Variants in TLE3 observed in about 807,000 individuals in gnomAD.
TLE3 encodes the protein TLE family member 3, transcriptional corepressor.
Under a neutral mutation model 93.0 loss-of-function variants are expected in TLE3, and 14 were observed. That is an observed-to-expected ratio of 0.15 (90% CI 0.10 to 0.24). The LOEUF (loss-of-function observed/expected upper bound fraction) is 0.24. Among genes scored for constraint, TLE3 ranks in the 10% least tolerant of loss-of-function variants. The pLI is 1.00. For synonymous variants in TLE3, 451 were observed against 425.0 expected, an observed-to-expected ratio of 1.06 and a Z score of -0.75; for missense variants, 693 against 1,046.6, an observed-to-expected ratio of 0.66 and a Z score of 4.66.
intron 9 of TLE3, among the ~76,000 whole-genome samples, chr15:70,060,152 C>T (rs561510869): frequency 7.2e-5 from 11 of 152,244 alleles, no homozygotes; most frequent in Admixed American, 6.5e-4. Flanking sequence ...GTGCATGCCT[C>T]AGGCCAACTG....
At chr15:70,079,300 C>T (rs555452143) in intron 4 of TLE3, 17 of 471,944 alleles carry the variant, frequency 3.6e-5, no homozygotes, top group South Asian at 1.2e-4. Flanking sequence ...CCATGTTCGA[C>T]GAAGAGAGGC....
In TLE3 at chr15:70,096,193, G is replaced by A. The variant is rs1596047650; in HGVS notation, c.93C>T (p.Asp31=). Residue 31 remains aspartate (D), a synonymous_variant, in exon 2 of 20, where the codon GAC becomes GAT. Transcript: ENST00000451782. The stretch of plus-strand genomic sequence containing the variant: ...ACTGAGCTTGCAGGAACTGGAATTC[G>A]TCTTTGATCCTGTCACAAGACTCAG... ...TVAESCDRIK[D]EFQFLQAQYH... The A allele has an allele frequency of 1.9e-6, 3 of 1,560,990 alleles. No homozygotes were observed. Among genetic ancestry groups the A allele is most frequent in the Admixed American group, 1.9e-5 (1 of 52,422 alleles).
chr15:70,073,034 C>A lies in TLE3; in HGVS notation c.372+1499G>T, dbSNP rs145013794. Among the ~76,000 whole-genome samples, 309 of 152,346 alleles carry A rather than the reference C, an allele frequency of 2.0e-3. 1 individual carries two copies. Among genetic ancestry groups the A allele is most frequent in the African/African-American group, 7.1e-3 (295 of 41,590 alleles). On this transcript the variant is annotated intron_variant, in intron 6 of 19. Coordinates refer to ENST00000451782, the MANE Select transcript of TLE3 (RefSeq NM_001105192.3). ...ACCAGGCCAATGCTTGCATCCCCCA[C>A]CTGCCCAAGCAGCACTGAGAAGTGT...
chr15:70,079,473 A>G (rs1481584086), intron 4 of TLE3: 6 of 477,956 alleles, frequency 1.3e-5, no homozygotes. Context: ...AAGGGACATG[A>G]AGCAAGCACA....
chr15:70,054,911 CAG>C, intron 15 of TLE3, 136 bp downstream of exon 15: 1 of 1,332,040 alleles, frequency 7.5e-7, no homozygotes, highest in Admixed American at 2.7e-5. Context: ...AACTGAGGCT[CAG>C]AGAGGTTAGT....
chr15:70,096,500 G>T, intron 1 of TLE3: 1 of 1,197,438 alleles, frequency 8.4e-7, no homozygotes, highest in Non-Finnish European at 1.2e-6. Flanking sequence ...AGGCGGGGGC[G>T]GGAGACAAGC....
In TLE3 at chr15:70,057,673, C is replaced by T. The variant is rs753810698; in HGVS notation, c.1052-15G>A. ...CAGAGCCGAGGCTGCGAGGGGTGGGCGTCAGGGAGGTGGGCCTTAGGTGGA... is the reference window on the plus strand; with the variant it reads ...CAGAGCCGAGGCTGCGAGGGGTGGGTGTCAGGGAGGTGGGCCTTAGGTGGA... On this transcript the variant is annotated splice_polypyrimidine_tract_variant and intron_variant, in intron 12 of 19. Coordinates refer to ENST00000451782, the MANE Select transcript of TLE3 (RefSeq NM_001105192.3). The T allele has an allele frequency of 1.2e-5, 19 of 1,555,598 alleles. No individual in the cohort carries two copies. Among genetic ancestry groups the T allele is most frequent in the South Asian group, 9.4e-5 (8 of 85,366 alleles).
intron 15 of TLE3, 66 bp downstream of exon 15, chr15:70,054,981 CCT>C: frequency 1.3e-6 from 2 of 1,518,064 alleles, no homozygotes; most frequent in East Asian, 2.5e-5. Flanking sequence ...GGGGCTCTCC[CCT>C]GTGGCCCAGG....
At position 70,055,880 on chromosome 15, in the gene TLE3, G is replaced by A. The variant is rs113320570; in HGVS notation, c.1328+418C>T. 824 of 295,572 alleles carry A rather than the reference G, an allele frequency of 2.8e-3. 2 individuals are homozygous for A. Among genetic ancestry groups the A allele is most frequent in the African/African-American group, 0.016 (745 of 45,508 alleles). The allele number at this position is 295,572 out of a possible 1,614,324, so 18.3% of individuals were successfully genotyped here. On this transcript the variant is annotated intron_variant, in intron 14 of 19. Coordinates refer to ENST00000451782, the MANE Select transcript of TLE3 (RefSeq NM_001105192.3). ...TAGCAACCCAAGGAAGTGAAGGGCC[G>A]GGGAGAGTGTGCCCTCCAGGGGAGG...
At chr15:70,079,293 T>C (rs2057623079) in intron 4 of TLE3, 3 of 466,896 alleles carry the variant, frequency 6.4e-6, no homozygotes, top group Admixed American at 2.8e-5. Flanking sequence ...CTGAGGCCCA[T>C]GTTCGACGAA....
intron 4 of TLE3, chr15:70,079,601 A>C (rs1194850463): frequency 5.6e-6 from 2 of 358,438 alleles, no homozygotes; most frequent in African/African-American, 4.7e-5. Flanking sequence ...CCCAACCCTG[A>C]GAATGGGCTG....
intron 6 of TLE3, among the ~76,000 whole-genome samples, chr15:70,067,431 G>A (rs1306149414): frequency 2.0e-5 from 3 of 152,204 alleles, no homozygotes; most frequent in Non-Finnish European, 4.4e-5. Flanking sequence ...GGGGGCTGGA[G>A]TAGGTAGCTA....
intron 8 of TLE3, among the ~76,000 whole-genome samples, chr15:70,064,027 T>C (rs900796725): frequency 2.6e-5 from 4 of 152,182 alleles, no homozygotes; most frequent in Non-Finnish European, 5.9e-5. Context: ...CCCCTCGCAA[T>C]GGAAGATCCA....
intron 6 of TLE3, among the ~76,000 whole-genome samples, chr15:70,070,223 T>C (rs1470654168): frequency 1.3e-5 from 2 of 152,232 alleles, no homozygotes; most frequent in African/African-American, 4.8e-5. Context: ...ACAACGAACA[T>C]GTACTCCACA....
rs749114706 is a variant in TLE3 at position 70,054,690 on chromosome 15, AG to A, written c.1579-6del. On this transcript the variant is annotated splice_region_variant and splice_polypyrimidine_tract_variant and intron_variant, in intron 15 of 19. Coordinates refer to ENST00000451782, the MANE Select transcript of TLE3 (RefSeq NM_001105192.3). Reference sequence around the variant, plus strand: ...GCGGATGTAATTGTCCCTGTTCTGGAGGGAGAAGGGGCAGGGCTGAGTGCTG... The same window carrying A: ...GCGGATGTAATTGTCCCTGTTCTGGAGGAGAAGGGGCAGGGCTGAGTGCTG... 2.4e-5 allele frequency: 38 copies of A among 1,580,360 alleles called. No individual in the cohort carries two copies. In the African/African-American group the frequency reaches 4.8e-4, roughly 20 times the overall value.
chr15:70,094,493 A>T, intron 4 of TLE3, 39 bp downstream of exon 4: 3 of 1,484,408 alleles, frequency 2.0e-6, no homozygotes, highest in Non-Finnish European at 2.7e-6. Context: ...ATAAGTTTTT[A>T]AAAAATGAAA....
At chr15:70,056,069 C>G in intron 14 of TLE3, 2 of 606,476 alleles carry the variant, frequency 3.3e-6, no homozygotes, top group Middle Eastern at 4.4e-4. Context: ...AACTCCATGG[C>G]TCCTCTGTCG....
At position 70,096,879 on chromosome 15, in the gene TLE3, G is replaced by A. The variant is rs1280976968; in HGVS notation, c.-81C>T. On this transcript the variant is annotated 5_prime_UTR_variant, in exon 1 of 20. Coordinates refer to ENST00000451782, the MANE Select transcript of TLE3 (RefSeq NM_001105192.3). ...GAGGTGCGGGGGAGGGGGGAGCCGA[G>A]CCCGAGCGGGGGGCGGCCGGGAAAC... 1 of 1,514,982 alleles carries A rather than the reference G, an allele frequency of 6.6e-7. No individual in the cohort carries two copies. Among genetic ancestry groups the A allele is most frequent in the East Asian group, 2.4e-5 (1 of 42,160 alleles). The allele number at this position is 1,514,982 out of a possible 1,614,324, so 93.8% of individuals were successfully genotyped here.
In TLE3 at chr15:70,095,698, C is replaced by T. The variant is rs184971398; in HGVS notation, c.126-57G>A. The T allele has an allele frequency of 2.4e-4, 369 of 1,542,404 alleles. 1 individual carries two copies. The African/African-American group carries it at 4.7e-3, about 20-fold the overall frequency. On this transcript the variant is annotated intron_variant, in intron 2 of 19. Coordinates refer to ENST00000451782, the MANE Select transcript of TLE3 (RefSeq NM_001105192.3). ...GGCGCCTGGACAGCCTCCTCTGAGG[C>T]CCCGACCCAAGGGCCTCTAGAGCCA...
Sources: allele counts gnomAD v4.1 joint callset (sites outside exome capture counted in the v4.1 genomes callset), GRCh38; gene constraint gnomAD v4.1.1; transcripts MANE v1.5; gene names NCBI Gene and HGNC (gene_info 2026-07-23, HGNC 2026-07-21).